Variants in APBB1IP observed in about 807,000 individuals in gnomAD.
The protein encoded by APBB1IP is amyloid beta precursor protein binding family B member 1 interacting protein.
In APBB1IP, 27 loss-of-function variants were observed where a neutral mutation model predicts 64.9. The ratio of observed to expected loss-of-function variants is 0.42; its 90% confidence interval spans 0.31 to 0.57. The LOEUF (loss-of-function observed/expected upper bound fraction) is 0.57, where lower values mean the gene tolerates loss of function less well. Ranked by LOEUF, APBB1IP falls within the 20% of genes least tolerant of loss-of-function variation. APBB1IP has a pLI of 0.20. For missense variants in APBB1IP, 812 were observed against 845.5 expected (o/e 0.96, Z 0.49); for synonymous variants, 392 against 331.0 (o/e 1.18, Z -2.00).
rs558345054 is a variant in APBB1IP at position 26,553,611 on chromosome 10, T to C, written c.1156-6494T>C. ...CGTTGGAAGTTGCAGGGAGCCATGA[T>C]TGCACCACTGCACTCCAGCCTGGGC... On this transcript the variant is annotated intron_variant, in intron 11 of 14. Transcript: ENST00000376236. Among the ~76,000 whole-genome samples the C allele has an allele frequency of 4.6e-5, 7 of 152,248 alleles. No homozygotes were observed. In the East Asian group the frequency reaches 7.8e-4, roughly 17 times the overall value.
intron 8 of APBB1IP, among the ~76,000 whole-genome samples, chr10:26,518,358 G>A (rs1315723282): frequency 6.1e-5 from 9 of 148,108 alleles, no homozygotes; most frequent in Admixed American, 5.4e-4. Context: ...AGTGATTCTC[G>A]TGCCTCAGCC....
intron 10 of APBB1IP, among the ~76,000 whole-genome samples, chr10:26,540,112 C>T (rs1323070976): frequency 6.6e-6 from 1 of 152,188 alleles, no homozygotes; most frequent in Non-Finnish European, 1.5e-5. Context: ...TATAAGCTCA[C>T]ATGCACAGTA....
intron 7 of APBB1IP, among the ~76,000 whole-genome samples, 197 bp downstream of exon 7, chr10:26,512,103 TAC>T (rs1184355152): frequency 1.3e-5 from 2 of 152,334 alleles, no homozygotes; most frequent in Non-Finnish European, 2.9e-5. Flanking sequence ...GTGCTGTGAT[TAC>T]AGGTGTGAGC....
intron 2 of APBB1IP, among the ~76,000 whole-genome samples, chr10:26,454,506 A>T (rs1300594600): frequency 1.3e-5 from 2 of 151,722 alleles, no homozygotes; most frequent in Non-Finnish European, 2.9e-5. Flanking sequence ...AATAAATAAA[A>T]AATAAAAATA....
intron 2 of APBB1IP, among the ~76,000 whole-genome samples, chr10:26,461,711 C>T (rs919638083): frequency 2.6e-5 from 4 of 151,954 alleles, no homozygotes; most frequent in South Asian, 2.1e-4. Context: ...CATTAATTCC[C>T]GTAACATGGT....
At chr10:26,477,210 G>T (rs1399739085) in intron 2 of APBB1IP, among the ~76,000 whole-genome samples, 1 of 152,192 alleles carries the variant, frequency 6.6e-6, no homozygotes, top group Admixed American at 6.5e-5. Context: ...CAGAGGTGAG[G>T]CTGTGTCCTC....
chr10:26,537,954 G>T (rs904235088), intron 10 of APBB1IP, among the ~76,000 whole-genome samples: 4 of 144,534 alleles, frequency 2.8e-5, no homozygotes, highest in Admixed American at 6.9e-5. Context: ...AAAAAAAAAA[G>T]TGTTTACAGT....
At chr10:26,452,219 C>T (rs1835473262) in intron 2 of APBB1IP, among the ~76,000 whole-genome samples, 1 of 152,108 alleles carries the variant, frequency 6.6e-6, no homozygotes, top group Non-Finnish European at 1.5e-5. Flanking sequence ...CAGTCTTGCA[C>T]GATTATCTAA....
chr10:26,565,148 T>G (rs895290216), intron 14 of APBB1IP, among the ~76,000 whole-genome samples: 34 of 152,364 alleles, frequency 2.2e-4, no homozygotes, highest in African/African-American at 7.0e-4. Flanking sequence ...ATCTCCTTCA[T>G]CCTAATCAAA....
chr10:26,522,203 T>A (rs1265923662), intron 8 of APBB1IP, among the ~76,000 whole-genome samples: 1 of 152,250 alleles, frequency 6.6e-6, no homozygotes, highest in Non-Finnish European at 1.5e-5. Flanking sequence ...AGTTTTTATT[T>A]TTTTTATAGA....
At chr10:26,490,664 G>A (rs1349068526) in intron 2 of APBB1IP, among the ~76,000 whole-genome samples, 3 of 152,126 alleles carry the variant, frequency 2.0e-5, no homozygotes, top group Admixed American at 6.6e-5. Flanking sequence ...TTATCTTTTA[G>A]CACTGCATTC....
At chr10:26,458,335 C>G (rs1007631619) in intron 2 of APBB1IP, among the ~76,000 whole-genome samples, 1 of 151,876 alleles carries the variant, frequency 6.6e-6, no homozygotes, top group Non-Finnish European at 1.5e-5. Context: ...TTGCAGTGAG[C>G]CAAGATCTTG....
intron 6 of APBB1IP, among the ~76,000 whole-genome samples, chr10:26,507,754 G>A (rs1036124091): frequency 6.6e-6 from 1 of 152,162 alleles, no homozygotes; most frequent in African/African-American, 2.4e-5. Context: ...AAAATATATT[G>A]TTTATGTATT....
chr10:26,492,853 AT>A (rs1273372855), intron 3 of APBB1IP, among the ~76,000 whole-genome samples: 1 of 152,208 alleles, frequency 6.6e-6, no homozygotes, highest in African/African-American at 2.4e-5. Flanking sequence ...ACGCATTGTC[AT>A]TGGTAAACAT....
chr10:26,523,010 CAAAAAAAAAAAAAA>C lies in APBB1IP; in HGVS notation c.813+9359_813+9372del, dbSNP rs35641109. ...CAAGAGTGAAATGAAACTCCATCTC[CAAAAAAAAAAAAAA>C]AAAAAAAACCAAGAAAAAAACAATG... On this transcript the variant is annotated intron_variant, in intron 8 of 14. Transcript: ENST00000376236. Among the ~76,000 whole-genome samples the C allele has an allele frequency of 3.7e-4, 24 of 64,730 alleles. 1 individual carries two copies. Among genetic ancestry groups the C allele is most frequent in the Admixed American group, 3.5e-3 (20 of 5,656 alleles). 42.5% of individuals were successfully genotyped at this position (64,730 alleles called of 152,430 possible).
chr10:26,449,097 A>C (rs1835433218), intron 2 of APBB1IP, among the ~76,000 whole-genome samples: 1 of 152,214 alleles, frequency 6.6e-6, no homozygotes, highest in South Asian at 2.1e-4. Context: ...AGGAGATTCC[A>C]GTGCAGTTCT....
chr10:26,444,081 T>C (rs1455592038), intron 2 of APBB1IP, among the ~76,000 whole-genome samples: 1 of 152,150 alleles, frequency 6.6e-6, no homozygotes, highest in Non-Finnish European at 1.5e-5. Flanking sequence ...CTGGGCCCTT[T>C]CGTTTGCAGG....
At chr10:26,497,537 C>A (rs1309998847) in intron 4 of APBB1IP, among the ~76,000 whole-genome samples, 1 of 150,602 alleles carries the variant, frequency 6.6e-6, no homozygotes, top group South Asian at 2.1e-4. Flanking sequence ...GGCGGCAGAG[C>A]GAGACTCTGC....
intron 13 of APBB1IP, among the ~76,000 whole-genome samples, chr10:26,561,064 C>CTTTCTTTCTT (rs1218039459): frequency 4.3e-5 from 3 of 69,208 alleles, no homozygotes; most frequent in Non-Finnish European, 7.6e-5. Context: ...TTCTTTCTTT[C>CTTTCTTTCTT]TTTTTTTTTT....
Sources: allele counts gnomAD v4.1 joint callset (sites outside exome capture counted in the v4.1 genomes callset), GRCh38; gene constraint gnomAD v4.1.1; transcripts MANE v1.5; gene names NCBI Gene and HGNC (gene_info 2026-07-23, HGNC 2026-07-21).